THRB: variants seen among roughly 807,000 people sequenced by gnomAD.
THRB encodes the protein thyroid hormone receptor beta.
A neutral mutation model predicts 47.8 loss-of-function variants in THRB; 12 were observed. That is an observed-to-expected ratio of 0.25 (90% CI 0.16 to 0.41). THRB has a LOEUF of 0.41. Among genes scored for constraint, THRB ranks in the 10% least tolerant of loss-of-function variants. The pLI, the probability that THRB is intolerant of heterozygous loss-of-function variation, is 1.00. For missense variants in THRB, 348 were observed against 589.2 expected (o/e 0.59, Z 4.24); for synonymous variants, 218 against 212.2 (o/e 1.03, Z -0.24).
chr3:24,420,896 C>T (rs2150289370), intron 1 of THRB, among the ~76,000 whole-genome samples: 1 of 152,004 alleles, frequency 6.6e-6, no homozygotes. Context: ...GACACATGCA[C>T]ATGTATGTTC....
intron 1 of THRB, among the ~76,000 whole-genome samples, chr3:24,444,189 T>C (rs1361994352): frequency 6.6e-6 from 1 of 152,192 alleles, no homozygotes; most frequent in Non-Finnish European, 1.5e-5. Context: ...TTCTGGCTAA[T>C]GTTATAGGAC....
At chr3:24,280,958 T>G (rs548068075) in intron 3 of THRB, among the ~76,000 whole-genome samples, 1 of 152,326 alleles carries the variant, frequency 6.6e-6, no homozygotes, top group African/African-American at 2.4e-5. Flanking sequence ...AATCTACGTC[T>G]GATTGGTGTA....
At chr3:24,153,992 A>G (rs1304208876) in intron 5 of THRB, among the ~76,000 whole-genome samples, 1 of 152,152 alleles carries the variant, frequency 6.6e-6, no homozygotes, top group Non-Finnish European at 1.5e-5. Flanking sequence ...TGCTTTTCAG[A>G]AAAAAAGCCA....
At chr3:24,215,951 T>C (rs959213920) in intron 4 of THRB, among the ~76,000 whole-genome samples, 1 of 151,950 alleles carries the variant, frequency 6.6e-6, no homozygotes, top group African/African-American at 2.4e-5. Flanking sequence ...ACCAAGAACA[T>C]GTGGTACTAG....
intron 3 of THRB, among the ~76,000 whole-genome samples, chr3:24,269,440 C>CAT (rs1559784335): frequency 7.4e-6 from 1 of 135,730 alleles, no homozygotes; most frequent in South Asian, 2.5e-4. Context: ...CACACACACA[C>CAT]ACTTAAGTTA....
chr3:24,315,124 G>C (rs2058028168), intron 2 of THRB, among the ~76,000 whole-genome samples: 1 of 152,168 alleles, frequency 6.6e-6, no homozygotes, highest in Admixed American at 6.5e-5. Flanking sequence ...GGATACATTA[G>C]AATTTTAAGA....
chr3:24,169,190 C>G (rs543612974), intron 5 of THRB, among the ~76,000 whole-genome samples: 28 of 152,226 alleles, frequency 1.8e-4, no homozygotes, highest in African/African-American at 5.8e-4. Flanking sequence ...ACTATACGTC[C>G]CAGTTTCCCC....
intron 2 of THRB, among the ~76,000 whole-genome samples, chr3:24,330,169 C>T (rs1429808983): frequency 4.0e-5 from 6 of 151,814 alleles, no homozygotes; most frequent in African/African-American, 7.3e-5. Flanking sequence ...TAGCCGGGCG[C>T]GGTGGCGGGC....
intron 1 of THRB, among the ~76,000 whole-genome samples, chr3:24,375,486 C>A (rs2065217769): frequency 7.1e-6 from 1 of 141,438 alleles, no homozygotes; most frequent in Non-Finnish European, 1.5e-5. Context: ...TATAGTTAGA[C>A]ATATAATATT....
chr3:24,252,855 G>A (rs2050804573), intron 3 of THRB, among the ~76,000 whole-genome samples: 1 of 152,016 alleles, frequency 6.6e-6, no homozygotes, highest in Admixed American at 6.6e-5. Context: ...AGAGAAAGAA[G>A]AATATAAAAG....
chr3:24,260,108 C>T (rs1187362691), intron 3 of THRB, among the ~76,000 whole-genome samples: 2 of 152,162 alleles, frequency 1.3e-5, no homozygotes, highest in Non-Finnish European at 2.9e-5. Context: ...TATAGATTTG[C>T]CTATTTCATG....
chr3:24,375,744 C>G (rs969490539), intron 1 of THRB, among the ~76,000 whole-genome samples: 5 of 151,892 alleles, frequency 3.3e-5, no homozygotes, highest in Non-Finnish European at 5.9e-5. Flanking sequence ...ACTTTACAGA[C>G]AGGCAACCTC....
chr3:24,383,302 C>T (rs989318819), intron 1 of THRB, among the ~76,000 whole-genome samples: 1 of 152,084 alleles, frequency 6.6e-6, no homozygotes, highest in African/African-American at 2.4e-5. Flanking sequence ...CATCCCTCAT[C>T]CATTCATCCA....
intron 5 of THRB, among the ~76,000 whole-genome samples, chr3:24,177,785 G>A (rs533485225): frequency 1.3e-5 from 2 of 152,294 alleles, no homozygotes; most frequent in South Asian, 2.1e-4. Flanking sequence ...TATTTCAAAT[G>A]TCAAAATGTT....
At chr3:24,333,511 C>T (rs1265660126) in intron 2 of THRB, among the ~76,000 whole-genome samples, 1 of 152,182 alleles carries the variant, frequency 6.6e-6, no homozygotes, top group South Asian at 2.1e-4. Context: ...AAAGTAAATT[C>T]TGCTCAAACT....
At chr3:24,336,841 C>T (rs2062289842) in intron 2 of THRB, among the ~76,000 whole-genome samples, 1 of 151,916 alleles carries the variant, frequency 6.6e-6, no homozygotes, top group South Asian at 2.1e-4. Flanking sequence ...CCTGCCTCAG[C>T]CTCCTGAGTA....
At chr3:24,304,593 C>A (rs1056368229) in intron 2 of THRB, among the ~76,000 whole-genome samples, 1 of 151,228 alleles carries the variant, frequency 6.6e-6, no homozygotes, top group East Asian at 1.9e-4. Context: ...AGAACTAAGA[C>A]GTTAACATAG....
chr3:24,385,962 A>G (rs1279814562), intron 1 of THRB, among the ~76,000 whole-genome samples: 1 of 152,172 alleles, frequency 6.6e-6, no homozygotes, highest in Non-Finnish European at 1.5e-5. Context: ...GACAGGATGT[A>G]CAATATGACT....
At chr3:24,123,226 G>A in intron 10 of THRB, 101 bp from the exon 11 acceptor site, 2 of 1,548,086 alleles carry the variant, frequency 1.3e-6, no homozygotes, top group South Asian at 1.1e-5. Flanking sequence ...CAGATCTAGG[G>A]TCTTCCCTCT....
Sources: allele counts gnomAD v4.1 joint callset (sites outside exome capture counted in the v4.1 genomes callset), GRCh38; gene constraint gnomAD v4.1.1; transcripts MANE v1.5; gene names NCBI Gene and HGNC (gene_info 2026-07-23, HGNC 2026-07-21).